GPA33: variants seen among roughly 807,000 people sequenced by gnomAD.
The protein encoded by GPA33 is glycoprotein A33.
A neutral mutation model predicts 35.6 loss-of-function variants in GPA33; 27 were observed. The ratio of observed to expected loss-of-function variants is 0.76; its 90% CI spans 0.56 to 1.04. The LOEUF (loss-of-function observed/expected upper bound fraction) is 1.04, where lower values mean the gene tolerates loss of function less well. GPA33 is among the 50% of genes least tolerant of loss of function. The probability of loss-of-function intolerance (pLI) is 0.00; values close to 1 mark genes in which losing one functional copy is unlikely to be tolerated. For synonymous variants in GPA33, 176 were observed against 164.0 expected (o/e 1.07, Z -0.56); for missense variants, 428 against 411.9 (o/e 1.04, Z -0.34).
At chr1:167,071,990 C>T (rs1281413500) in intron 2 of GPA33, among the ~76,000 whole-genome samples, 3 of 152,154 alleles carry the variant, frequency 2.0e-5, no homozygotes, top group African/African-American at 7.2e-5. Context: ...AGTATGATGG[C>T]AAGAGAAGGT....
chr1:167,063,813 AC>A, intron 3 of GPA33, 76 bp from the exon 4 acceptor site: 4 of 874,806 alleles, frequency 4.6e-6, no homozygotes, highest in Non-Finnish European at 4.9e-6. Context: ...CTCCCCACCC[AC>A]CCCCCACACA....
intron 1 of GPA33, among the ~76,000 whole-genome samples, chr1:167,076,903 G>A (rs12076116): frequency 1.3e-5 from 2 of 151,922 alleles, no homozygotes; most frequent in African/African-American, 2.4e-5. Flanking sequence ...CACCACCTTC[G>A]TCTATCAGAA....
chr1:167,055,227 C>T (rs1272941329), intron 5 of GPA33, 116 bp from the exon 6 acceptor site: 9 of 985,132 alleles, frequency 9.1e-6, no homozygotes, highest in Middle Eastern at 6.1e-4. Flanking sequence ...AAGGCATGGT[C>T]TTGGAGGAAT....
At chr1:167,054,713 G>A (rs926523356) in intron 6 of GPA33, among the ~76,000 whole-genome samples, 15 of 152,178 alleles carry the variant, frequency 9.9e-5, no homozygotes, top group Admixed American at 9.8e-4. Flanking sequence ...CCCCGTGACA[G>A]GGGCTCCAGG....
intron 1 of GPA33, among the ~76,000 whole-genome samples, chr1:167,078,025 T>C (rs945905380): frequency 6.6e-6 from 1 of 152,206 alleles, no homozygotes; most frequent in African/African-American, 2.4e-5. Flanking sequence ...GGTGAGGGTA[T>C]AGGGCTGCTG....
chr1:167,076,282 T>C (rs1666821871), intron 1 of GPA33, among the ~76,000 whole-genome samples: 2 of 152,178 alleles, frequency 1.3e-5, no homozygotes, highest in South Asian at 2.1e-4. Context: ...TACGGTGTTA[T>C]GGGAGGACAG....
intron 4 of GPA33, among the ~76,000 whole-genome samples, chr1:167,056,754 ATGGCGTG>A (rs1666295532): frequency 2.2e-4 from 1 of 4,514 alleles, no homozygotes; most frequent in East Asian, 6.8e-3. Flanking sequence ...TGGTGTGTGT[ATGGCGTG>A]TGTGTGGTGT....
chr1:167,072,738 C>T (rs1666743104), intron 2 of GPA33, among the ~76,000 whole-genome samples: 1 of 151,922 alleles, frequency 6.6e-6, no homozygotes, highest in Admixed American at 6.6e-5. Flanking sequence ...ACAAAGAGCC[C>T]AAGATGTATT....
intron 2 of GPA33, among the ~76,000 whole-genome samples, chr1:167,072,351 T>A (rs1354801574): frequency 6.6e-6 from 1 of 152,170 alleles, no homozygotes; most frequent in East Asian, 1.9e-4. Flanking sequence ...TGATGATGAA[T>A]GAGATGTTTT....
At position 167,056,771 on chromosome 1, in the gene GPA33, T is replaced by TATG. The variant is rs1403011992; in HGVS notation, c.572-923_572-922insCAT. Among the ~76,000 whole-genome samples the TATG allele has an allele frequency of 2.0e-3, 292 of 148,522 alleles. 12 individuals are homozygous for TATG. The highest frequency in any genetic ancestry group is 2.7e-3 in the East Asian group (13 of 4,904). ...GTGTGTGTATGGCGTGTGTGTGGTG[T>TATG]GTGTGGCATGTGTAGTGTGGTGCGT... On this transcript the variant is annotated intron_variant, in intron 4 of 6. Transcript: ENST00000367868.
chr1:167,060,974 C>T (rs561864679), intron 4 of GPA33, among the ~76,000 whole-genome samples: 2 of 152,342 alleles, frequency 1.3e-5, no homozygotes, highest in African/African-American at 4.8e-5. Flanking sequence ...TAACACTTAG[C>T]ATTAAATGAG....
At chr1:167,064,238 C>T (rs542791245) in intron 3 of GPA33, among the ~76,000 whole-genome samples, 2 of 151,876 alleles carry the variant, frequency 1.3e-5, no homozygotes, top group East Asian at 3.9e-4. Context: ...GAGCTGAGAT[C>T]GTGCCATAGC....
intron 1 of GPA33, among the ~76,000 whole-genome samples, chr1:167,074,218 C>G (rs1056236396): frequency 6.6e-6 from 1 of 151,776 alleles, no homozygotes; most frequent in African/African-American, 2.4e-5. Flanking sequence ...GGTCTGTGTT[C>G]CTTCTCTTCG....
chr1:167,056,068 C>T (rs1016996852), intron 4 of GPA33, among the ~76,000 whole-genome samples: 2 of 152,234 alleles, frequency 1.3e-5, no homozygotes, highest in African/African-American at 2.4e-5. Context: ...GGTTTGACAC[C>T]TGGCTCTGCC....
At chr1:167,062,646 C>CTTTT (rs768326263) in intron 4 of GPA33, among the ~76,000 whole-genome samples, 4,982 of 79,730 alleles carry the variant, frequency 0.062, 388 homozygotes, top group African/African-American at 0.098. Context: ...ATAGCTCTTT[C>CTTTT]TTTTTTTTTT....
chr1:167,082,777 T>A (rs572067350), intron 1 of GPA33, among the ~76,000 whole-genome samples: 13 of 152,284 alleles, frequency 8.5e-5, no homozygotes, highest in Non-Finnish European at 1.8e-4. Context: ...ACGGCCCTAA[T>A]GGGAAGCGTC....
At chr1:167,090,105 G>C in intron 1 of GPA33, 140 bp downstream of exon 1, 1 of 677,802 alleles carries the variant, frequency 1.5e-6, no homozygotes, top group Non-Finnish European at 2.7e-6. Context: ...GGTCCGGAAT[G>C]TGTAATTCTG....
chr1:167,065,899 G>A (rs1228020955), intron 3 of GPA33, among the ~76,000 whole-genome samples: 1 of 152,090 alleles, frequency 6.6e-6, no homozygotes, highest in Non-Finnish European at 1.5e-5. Context: ...GTGGGGAGGG[G>A]GAGTCTGCGG....
chr1:167,082,796 G>A (rs1284955690), intron 1 of GPA33, among the ~76,000 whole-genome samples: 2 of 152,174 alleles, frequency 1.3e-5, no homozygotes, highest in Non-Finnish European at 2.9e-5. Context: ...TCTGTCTGTC[G>A]CCATGTTCTG....
Sources: allele counts gnomAD v4.1 joint callset (sites outside exome capture counted in the v4.1 genomes callset), GRCh38; gene constraint gnomAD v4.1.1; transcripts MANE v1.5; gene names NCBI Gene and HGNC (gene_info 2026-07-23, HGNC 2026-07-21).